Variants in PEX6 observed in about 807,000 individuals in gnomAD.
The protein encoded by PEX6 is peroxisome biogenesis factor 6.
PEX6 carries 55 observed loss-of-function variants against 85.6 expected under a neutral mutation model. The ratio of observed to expected loss-of-function variants is 0.64; its 90% CI spans 0.52 to 0.80. PEX6 has a LOEUF of 0.80. Ranked by LOEUF, PEX6 falls within the 30% of genes least tolerant of loss-of-function variation. The pLI, the probability that PEX6 is intolerant of heterozygous loss-of-function variation, is 0.00. For missense variants in PEX6, 1,099 were observed against 1,260.3 expected, an observed-to-expected ratio of 0.87 and a Z score of 1.94; for synonymous variants, 519 against 549.1, an observed-to-expected ratio of 0.95 and a Z score of 0.77.
Position 42,964,444 on chromosome 6 carries a change from A to G in PEX6, c.2834T>C (p.Met945Thr). The G allele has an allele frequency of 6.2e-7, 1 of 1,613,826 alleles. No individual in the cohort carries two copies. The highest frequency in any genetic ancestry group is 8.5e-7 in the Non-Finnish European group (1 of 1,180,026). ...EGLEPGSSAL[M>T]LTMEDLLQAA... ...CTGCAGCAAGTCCTCCATGGTGAGCATCAGTGCTGAGCTACCTGGCTCCAG... is the reference window on the plus strand; with the variant it reads ...CTGCAGCAAGTCCTCCATGGTGAGCGTCAGTGCTGAGCTACCTGGCTCCAG... The change falls in exon 17 of 17, where the codon ATG becomes ACG. Residue 945 changes from methionine to threonine, a missense_variant. By Grantham distance (81) the Met-to-Thr change is moderately conservative. Coordinates refer to ENST00000304611, the MANE Select transcript of PEX6 (RefSeq NM_000287.4). This position sits in a 1 kb window ranked among gnomAD's most constrained non-coding sequence, Gnocchi z 4.6.
rs1282588166 is a variant in PEX6 at position 42,974,042 on chromosome 6, T to C, written c.1091A>G (p.Gln364Arg). The C allele has an allele frequency of 1.2e-6, 2 of 1,614,102 alleles. No homozygotes were observed. Among genetic ancestry groups the C allele is most frequent in the Non-Finnish European group, 1.7e-6 (2 of 1,179,976 alleles). ...GDVLCVPTIG[Q>R]VEILEGSPEK... ...TGGACTTCCTTCCAGGATCTCTACT[T>C]GCCCAATTGTTGGCACACATAGAAC... The change falls in exon 3 of 17, where the codon CAA becomes CGA. Residue 364 changes from glutamine to arginine, a missense_variant. Gln to Arg is a conservative substitution (Grantham distance 43). Around this residue, in one of 3 missense-constraint regions of PEX6, gnomAD observed 579 missense variants for 611.6 expected, o/e 0.95. Transcript: ENST00000304611.
rs138431842 is a variant in PEX6, at chr6:42,968,371, C to T, written c.1607G>A (p.Arg536Gln). ...ATCCTCACCCAGCCCATCACGGTCC[C>T]GGCCCAGAAGGTCCACAGCTGTGAG... is the stretch of plus-strand genomic sequence containing the variant. ...LLLTAVDLLG[R>Q]DRDGLGEDAR... The change falls in exon 7 of 17, where the codon CGG (arginine) becomes CAG (glutamine). Residue 536 changes from arginine (R) to glutamine (Q), a missense_variant. Physicochemically the swap from Arg to Gln is conservative, Grantham distance 43. Transcript: ENST00000304611. The T allele has an allele frequency of 5.8e-5, 93 of 1,614,162 alleles. No individual in the cohort carries two copies. Among genetic ancestry groups the T allele is most frequent in the Middle Eastern group, 3.3e-4 (2 of 6,060 alleles).
chr6:42,968,201 C>A, intron 7 of PEX6, 89 bp downstream of exon 7: 1 of 1,109,504 alleles, frequency 9.0e-7, no homozygotes. Flanking sequence ...CCACCTGCCT[C>A]GGCCTCCCAA....
chr6:42,974,009 A>G lies in PEX6; in HGVS notation c.1124T>C (p.Leu375Pro), dbSNP rs753983874. Residue 375 changes from leucine (L) to proline (P), a missense_variant, in exon 3 of 17, where the codon CTG (leucine) becomes CCG (proline). Around this residue, in one of 3 missense-constraint regions of PEX6, gnomAD observed 579 missense variants for 611.6 expected, o/e 0.95. Coordinates refer to ENST00000304611, the MANE Select transcript of PEX6 (RefSeq NM_000287.4). ...ACAGAAGGCAGCTGCATACCTGGGC[A>G]GTTTCTCTGGACTTCCTTCCAGGAT... Reference protein sequence around the residue: ...VEILEGSPEKLPRWREMFFKV... With the variant: ...VEILEGSPEKPPRWREMFFKV... 1.9e-6 allele frequency: 3 copies of G among 1,612,770 alleles called. No homozygotes were observed. Among genetic ancestry groups the G allele is most frequent in the Non-Finnish European group, 2.5e-6 (3 of 1,178,848 alleles).
In PEX6 at chr6:42,974,727, C is replaced by T. The variant is rs1770214231; in HGVS notation, c.1046+148G>A. 3 of 761,298 alleles carry T rather than the reference C, an allele frequency of 3.9e-6. No homozygotes were observed. In the East Asian group the frequency reaches 7.7e-5, roughly 19 times the overall value. The allele number at this position is 761,298 out of a possible 1,614,324, so 47.2% of individuals were successfully genotyped here. A position where few individuals can be genotyped will look rare whatever the true frequency, so the allele number is the denominator to read the frequency against. On this transcript the variant is annotated intron_variant, in intron 2 of 16. Transcript: ENST00000304611. ...CCGCCCACCTCGGCCTCCCAAAGTG[C>T]TGGGATTACAGACGTGAGCCACAGC...
intron 1 of PEX6, 139 bp from the exon 2 acceptor site, chr6:42,975,177 G>C: frequency 1.3e-6 from 1 of 768,316 alleles, no homozygotes; most frequent in Non-Finnish European, 2.3e-6. Context: ...GCCTGAGGTA[G>C]CAGACCTGAA....
intron 2 of PEX6, 31 bp from the exon 3 acceptor site, chr6:42,974,117 A>C: frequency 6.5e-7 from 1 of 1,531,150 alleles, no homozygotes; most frequent in Middle Eastern, 1.7e-4. Context: ...TGGTCAGGTC[A>C]CAATGGGAGT....
chr6:42,966,624 C>T lies in PEX6; in HGVS notation c.1995G>A (p.Gly665=). Residue 665 remains glycine (G), a synonymous_variant, in exon 10 of 17, where the codon GGG becomes GGA. Transcript: ENST00000304611. ...LAGGLTEEDE[G]ELCAAGFPLL... Reference sequence around the variant, plus strand: ...GAGGAAAGCCGGCAGCACACAGCTCCCCCTCATCCTCCTCAGTCAAGCCAC... The same window carrying T: ...GAGGAAAGCCGGCAGCACACAGCTCTCCCTCATCCTCCTCAGTCAAGCCAC... 1 of 1,614,114 alleles carries T rather than the reference C, an allele frequency of 6.2e-7. No individual in the cohort carries two copies.
chr6:42,978,217 G>C, intron 1 of PEX6, 52 bp downstream of exon 1: 1 of 1,588,594 alleles, frequency 6.3e-7, no homozygotes, highest in Non-Finnish European at 8.6e-7. Flanking sequence ...CTAAGACAGA[G>C]AAGAGGGTAT....
intron 6 of PEX6, among the ~76,000 whole-genome samples, 185 bp downstream of exon 6, chr6:42,968,689 C>A (rs749528393): frequency 3.3e-5 from 5 of 152,200 alleles, no homozygotes; most frequent in South Asian, 2.1e-4. Context: ...CAATATCTTG[C>A]AACTCCCTCC....
chr6:42,966,935 C>A, intron 8 of PEX6, 77 bp from the exon 9 acceptor site: 1 of 1,026,580 alleles, frequency 9.7e-7, no homozygotes, highest in Non-Finnish European at 1.5e-6. Flanking sequence ...CCAGCTAGAG[C>A]AGAGGCCCTC....
intron 3 of PEX6, 41 bp downstream of exon 3, chr6:42,973,962 G>A: frequency 7.2e-7 from 1 of 1,383,968 alleles, no homozygotes; most frequent in South Asian, 1.2e-5. Flanking sequence ...CATGCACCCA[G>A]GTTACAAATC....
Position 42,979,175 on chromosome 6 carries a change from G to GT in PEX6, c.-26dup. 6.4e-7 allele frequency: 1 copy of GT among 1,568,760 alleles called. No homozygotes were observed. Among genetic ancestry groups the GT allele is most frequent in the Non-Finnish European group, 8.6e-7 (1 of 1,165,970 alleles). ...TGGTGACAGGACACCAACGAGGAGG[G>GT]TGAAGGAGCGCAGCTTCCGGAGCCA... On this transcript the variant is annotated 5_prime_UTR_variant, in exon 1 of 17. Transcript: ENST00000304611.
In PEX6 at chr6:42,964,552, C is replaced by A; in HGVS notation, c.2807-81G>T. 1 of 1,518,552 alleles carries A rather than the reference C, an allele frequency of 6.6e-7. No individual in the cohort carries two copies. Among genetic ancestry groups the A allele is most frequent in the African/African-American group, 1.4e-5 (1 of 72,896 alleles). 94.1% of individuals were successfully genotyped at this position (1,518,552 alleles called of 1,614,324 possible). ...GCGAAGGTGGCTTCCTGCTCAGGGTCTCCTAGATGTCAATGATCTTCCCTC... is the reference window on the plus strand; with the variant it reads ...GCGAAGGTGGCTTCCTGCTCAGGGTATCCTAGATGTCAATGATCTTCCCTC... On this transcript the variant is annotated intron_variant, in intron 16 of 16. Coordinates refer to ENST00000304611, the MANE Select transcript of PEX6 (RefSeq NM_000287.4). This position sits in a 1 kb window ranked among gnomAD's most constrained non-coding sequence, Gnocchi z 4.6.
At position 42,974,442 on chromosome 6, in the gene PEX6, G is replaced by GTTTTTTTTT. The variant is rs71855084; in HGVS notation, c.1047-357_1047-356insAAAAAAAAA. The stretch of plus-strand genomic sequence containing the variant: ...GCGCCTACCACAATCTGTCTGAAAT[G>GTTTTTTTTT]TTTTTTTTGTTTTTTTTTTTTTTTT... On this transcript the variant is annotated intron_variant, in intron 2 of 16. Coordinates refer to ENST00000304611, the MANE Select transcript of PEX6 (RefSeq NM_000287.4). 3.2e-4 allele frequency among the ~76,000 whole-genome samples: 37 copies of GTTTTTTTTT among 115,960 alleles called. 1 individual carries two copies. The highest frequency in any genetic ancestry group is 5.5e-4 in the South Asian group (2 of 3,652). The allele number at this position is 115,960 out of a possible 152,430, so 76.1% of individuals were successfully genotyped here.
Position 42,965,469 on chromosome 6 carries a change from C to T in PEX6, c.2472-101G>A, listed in dbSNP as rs951235418. Reference sequence around the variant, plus strand: ...TACAGGCAGTCTCAACAGGGCCCTCCACTCAGCTGTGCCCAATGTGCCCCA... The same window carrying T: ...TACAGGCAGTCTCAACAGGGCCCTCTACTCAGCTGTGCCCAATGTGCCCCA... On this transcript the variant is annotated intron_variant, in intron 13 of 16. Coordinates refer to ENST00000304611, the MANE Select transcript of PEX6 (RefSeq NM_000287.4). The surrounding 1 kb of genome is among the most constrained non-coding windows in gnomAD (Gnocchi z 5.0). 4 of 1,006,624 alleles carry T rather than the reference C, an allele frequency of 4.0e-6. No homozygotes were observed. The allele number at this position is 1,006,624 out of a possible 1,614,324, so 62.4% of individuals were successfully genotyped here. A position where few individuals can be genotyped will look rare whatever the true frequency, so the allele number is the denominator to read the frequency against.
chr6:42,965,337 C>T lies in PEX6; in HGVS notation c.2503G>A (p.Gly835Arg). The T allele has an allele frequency of 6.2e-7, 1 of 1,614,086 alleles. No individual in the cohort carries two copies. Among genetic ancestry groups the T allele is most frequent in the South Asian group, 1.1e-5 (1 of 91,090 alleles). ...AACACATCCTGAGTGCTGTGCAGCC[C>T]ATCTAGCTCGGCAAGGAGCTGAGAC... Reference protein sequence around the residue: ...VVSQLLAELDGLHSTQDVFVI... With the variant: ...VVSQLLAELDRLHSTQDVFVI... The change falls in exon 14 of 17, where the codon GGG (glycine) becomes AGG (arginine). Residue 835 changes from glycine to arginine, a missense_variant. By Grantham distance (125) the Gly-to-Arg change is moderately radical. This residue lies in a region of PEX6 where 514 missense variants were observed against 627.0 expected (regional missense o/e 0.82). Transcript: ENST00000304611. The surrounding 1 kb of genome is among the most constrained non-coding windows in gnomAD (Gnocchi z 5.0).
In PEX6 at chr6:42,967,544, CA is replaced by C; in HGVS notation, c.1707del (p.Val570TrpfsTer49). On this transcript the variant is annotated frameshift_variant, in exon 8 of 17. Coordinates refer to ENST00000304611, the MANE Select transcript of PEX6 (RefSeq NM_000287.4). LOFTEE classifies it high-confidence loss of function. ...TCCTGGGCCCGGCTTGTGGTGGCCA[CA>C]ACCATGAGGGGAGGGCAGCTGCAGA... ...DPLNSCPPLMVVATTSRAQDL... is the reference protein window; with the variant it reads ...DPLNSCPPLMXVATTSRAQDL... 1 of 1,603,914 alleles carries C rather than the reference CA, an allele frequency of 6.2e-7. No homozygotes were observed. Among genetic ancestry groups the C allele is most frequent in the South Asian group, 1.1e-5 (1 of 89,208 alleles).
In PEX6 at chr6:42,971,998, C is replaced by G. The variant is rs1201106321; in HGVS notation, c.1130+2005G>C. 2.0e-5 allele frequency among the ~76,000 whole-genome samples: 3 copies of G among 152,318 alleles called. No individual in the cohort carries two copies. The highest frequency in any genetic ancestry group is 3.9e-4 in the East Asian group (2 of 5,186). On this transcript the variant is annotated intron_variant, in intron 3 of 16. Transcript: ENST00000304611. The surrounding 1 kb of genome is among the most constrained non-coding windows in gnomAD (Gnocchi z 4.4). ...CTCGTGGACTTAATCTGGAAAACCT[C>G]GAAGAGGTGACATGGAGCCTAAATG...
Sources: gnomAD v4.1 joint callset for allele counts (sites outside exome capture counted in the v4.1 genomes callset) on GRCh38, gnomAD v4.1.1 for gene constraint, gnomAD v4.1.1 regional missense constraint, Gnocchi (gnomAD v3.1) non-coding constraint, MANE v1.5 for transcripts, NCBI Gene and HGNC (gene_info 2026-07-23, HGNC 2026-07-21) for gene names.